Variants in NRXN1 observed in about 807,000 individuals in gnomAD.
The protein encoded by NRXN1 is neurexin 1.
A neutral mutation model predicts 150.9 loss-of-function variants in NRXN1; 39 were observed. The ratio of observed to expected loss-of-function variants is 0.26; its 90% CI spans 0.20 to 0.34. NRXN1 has a LOEUF of 0.34. Among genes scored for constraint, NRXN1 ranks in the 10% least tolerant of loss-of-function variants. NRXN1 has a pLI of 1.00. For synonymous variants in NRXN1, 924 were observed against 757.0 expected (o/e 1.22, Z -3.62); for missense variants, 1,815 against 1,949.9 (o/e 0.93, Z 1.30).
At chr2:50,365,034 A>G (rs1572693309) in intron 17 of NRXN1, among the ~76,000 whole-genome samples, 2 of 152,224 alleles carry the variant, frequency 1.3e-5, no homozygotes, top group East Asian at 1.9e-4. Flanking sequence ...TTTACACAGC[A>G]TGGCAAAAAT....
chr2:49,985,163 G>T (rs1006553022), intron 21 of NRXN1, among the ~76,000 whole-genome samples: 1 of 152,014 alleles, frequency 6.6e-6, no homozygotes, highest in Non-Finnish European at 1.5e-5. Context: ...TTTCCATAAG[G>T]TATCAATAAG....
intron 16 of NRXN1, among the ~76,000 whole-genome samples, chr2:50,470,475 T>G (rs1034992568): frequency 6.6e-6 from 1 of 151,830 alleles, no homozygotes; most frequent in African/African-American, 2.4e-5. Context: ...CAGTTTAAAT[T>G]TCACCTAACA....
intron 5 of NRXN1, among the ~76,000 whole-genome samples, chr2:50,633,563 T>G (rs1006719538): frequency 6.6e-6 from 1 of 151,822 alleles, no homozygotes; most frequent in Non-Finnish European, 1.5e-5. Context: ...ATTAAAATAA[T>G]GCAAAGAAGT....
intron 17 of NRXN1, among the ~76,000 whole-genome samples, chr2:50,355,762 G>A (rs145186270): frequency 3.3e-5 from 5 of 152,072 alleles, no homozygotes; most frequent in Non-Finnish European, 5.9e-5. Context: ...AAAAGAGTGA[G>A]GATATGTAAC....
chr2:51,026,012 T>A (rs1670392514), intron 2 of NRXN1, among the ~76,000 whole-genome samples: 1 of 152,164 alleles, frequency 6.6e-6, no homozygotes, highest in Non-Finnish European at 1.5e-5. Context: ...ACCAGTTTTT[T>A]TTCTTCCTAA....
chr2:50,702,368 C>G (rs201849900), intron 5 of NRXN1, among the ~76,000 whole-genome samples: 1 of 132,932 alleles, frequency 7.5e-6, no homozygotes, highest in Non-Finnish European at 1.6e-5. Context: ...AAAAAAAAAA[C>G]AAAACAAAAC....
At chr2:50,790,736 C>G (rs568054819) in intron 5 of NRXN1, among the ~76,000 whole-genome samples, 1 of 152,112 alleles carries the variant, frequency 6.6e-6, no homozygotes, top group Admixed American at 6.6e-5. Flanking sequence ...TTTGCCTATA[C>G]ATAATGTTCA....
chr2:50,510,677 A>T (rs1033895983), intron 12 of NRXN1, among the ~76,000 whole-genome samples: 1 of 152,230 alleles, frequency 6.6e-6, no homozygotes, highest in African/African-American at 2.4e-5. Context: ...TTCATTTTAT[A>T]GTTAAAGAAG....
intron 17 of NRXN1, among the ~76,000 whole-genome samples, chr2:50,361,903 G>A (rs1249288633): frequency 2.0e-5 from 3 of 152,104 alleles, no homozygotes; most frequent in Admixed American, 1.3e-4. Flanking sequence ...TATCCACCAC[G>A]ATCAAGTCAG....
chr2:50,161,097 T>C (rs986161720), intron 18 of NRXN1, among the ~76,000 whole-genome samples: 2 of 152,150 alleles, frequency 1.3e-5, no homozygotes, highest in African/African-American at 4.8e-5. Flanking sequence ...TCTAGAAATA[T>C]AATCTGCCAT....
intron 8 of NRXN1, among the ~76,000 whole-genome samples, chr2:50,568,706 G>A (rs1670220946): frequency 6.6e-6 from 1 of 152,062 alleles, no homozygotes; most frequent in Non-Finnish European, 1.5e-5. Flanking sequence ...ATGTAAATTA[G>A]TACAACCACT....
intron 19 of NRXN1, among the ~76,000 whole-genome samples, chr2:50,086,328 A>G (rs574891279): frequency 3.3e-5 from 5 of 152,316 alleles, no homozygotes; most frequent in African/African-American, 1.2e-4. Context: ...AATTTAGGGT[A>G]ATAATATGAC....
chr2:49,970,363 T>C (rs972800182), intron 21 of NRXN1: 12 of 152,102 alleles, frequency 7.9e-5, no homozygotes, highest in African/African-American at 2.9e-4. Flanking sequence ...ATAATACACA[T>C]AGTTTATGAT....
intron 17 of NRXN1, among the ~76,000 whole-genome samples, chr2:50,304,602 C>A (rs1305437098): frequency 6.6e-6 from 1 of 152,066 alleles, no homozygotes; most frequent in African/African-American, 2.4e-5. Flanking sequence ...TTTACTTGAA[C>A]CCCAGAGGAA....
intron 5 of NRXN1, chr2:50,919,147 C>T (rs62142978): frequency 0.085 from 12,967 of 151,786 alleles, 603 homozygotes; most frequent in South Asian, 0.12. Context: ...TGCCAGCCCA[C>T]AGCAGTGGTC....
At chr2:50,648,244 CTG>C (rs1053382853) in intron 5 of NRXN1, among the ~76,000 whole-genome samples, 26 of 151,954 alleles carry the variant, frequency 1.7e-4, no homozygotes, top group Admixed American at 1.2e-3. Context: ...TCACATAACA[CTG>C]TATTTTTTAA....
chr2:50,853,668 T>G (rs1559353900), intron 5 of NRXN1, among the ~76,000 whole-genome samples: 1 of 152,094 alleles, frequency 6.6e-6, no homozygotes, highest in African/African-American at 2.4e-5. Flanking sequence ...TGTGATAAAC[T>G]CAGATGTCTA....
intron 21 of NRXN1, among the ~76,000 whole-genome samples, chr2:49,948,313 C>A (rs1374757622): frequency 6.6e-6 from 1 of 151,956 alleles, no homozygotes; most frequent in African/African-American, 2.4e-5. Flanking sequence ...CTCAGTGTTA[C>A]CTTCTGCAAA....
intron 19 of NRXN1, among the ~76,000 whole-genome samples, chr2:50,081,732 C>T (rs561134698): frequency 5.9e-5 from 9 of 151,948 alleles, no homozygotes; most frequent in Admixed American, 3.3e-4. Flanking sequence ...TCATCATACA[C>T]CAAAATACTA....
Sources: allele counts gnomAD v4.1 joint callset (sites outside exome capture counted in the v4.1 genomes callset), GRCh38; gene constraint gnomAD v4.1.1; transcripts MANE v1.5; gene names NCBI Gene and HGNC (gene_info 2026-07-23, HGNC 2026-07-21).